Variants in ADGRV1 observed in about 807,000 individuals in gnomAD.
The protein encoded by ADGRV1 is G-protein coupled receptor 98.
A neutral mutation model predicts 596.2 loss-of-function variants in ADGRV1; 359 were observed. The observed-to-expected ratio is 0.60, with a 90% CI of 0.55 to 0.66. The LOEUF (loss-of-function observed/expected upper bound fraction) is 0.66, where lower values mean the gene tolerates loss of function less well. Ranked by LOEUF, ADGRV1 falls within the 30% of genes least tolerant of loss-of-function variation. ADGRV1 has a pLI of 0.00. For missense variants in ADGRV1, 7,274 were observed against 7,575.6 expected (o/e 0.96, Z 1.48); for synonymous variants, 2,681 against 2,679.2 (o/e 1.00, Z -0.02).
chr5:90,843,377 A>G (rs963546777), intron 78 of ADGRV1, among the ~76,000 whole-genome samples: 10 of 152,228 alleles, frequency 6.6e-5, no homozygotes, highest in African/African-American at 2.4e-4. Flanking sequence ...TGAAAATTTT[A>G]TATGTGATAA....
At chr5:90,607,398 C>T (rs1046016485) in intron 1 of ADGRV1, among the ~76,000 whole-genome samples, 1 of 152,036 alleles carries the variant, frequency 6.6e-6, no homozygotes, top group African/African-American at 2.4e-5. Flanking sequence ...CCCCTGCTTA[C>T]CCCTCCAAAT....
chr5:91,001,409 A>T (rs1781847865), intron 85 of ADGRV1, among the ~76,000 whole-genome samples: 1 of 152,150 alleles, frequency 6.6e-6, no homozygotes, highest in Admixed American at 6.6e-5. Context: ...CTGCAGTGAA[A>T]GTATTATGTC....
At chr5:90,750,422 G>A (rs912854438) in intron 52 of ADGRV1, 129 bp from the exon 53 acceptor site, 49 of 621,036 alleles carry the variant, frequency 7.9e-5, no homozygotes, top group Middle Eastern at 4.0e-4. Context: ...TTTAATTGTC[G>A]TTTTCACTTA....
At chr5:90,559,016 C>T (rs1168742784) in intron 1 of ADGRV1, 99 bp downstream of exon 1, 38 of 1,132,326 alleles carry the variant, frequency 3.4e-5, no homozygotes, top group Middle Eastern at 3.0e-4. Flanking sequence ...GCGAGGGCGG[C>T]GCGGAGGGCG....
chr5:90,693,896 G>A lies in ADGRV1; in HGVS notation c.7140G>A (p.Gly2380=). The change falls in exon 33 of 90, where the codon GGG becomes GGA. Residue 2380 remains glycine, a synonymous_variant. Transcript: ENST00000405460. ...TTGTCACTCCACATTTTAGCGGAGG[G>A]CACTTTGGTCGGCTGTTGTTGTTCT... ...CANITVRRSG[G]HFGRLLLFYS... is the part of the protein sequence containing the mutation. The A allele has an allele frequency of 2.6e-6, 4 of 1,546,556 alleles. No homozygotes were observed. Among genetic ancestry groups the A allele is most frequent in the Non-Finnish European group, 3.5e-6 (4 of 1,145,920 alleles).
chr5:91,127,466 A>G (rs1003135708), intron 87 of ADGRV1, among the ~76,000 whole-genome samples: 5 of 151,300 alleles, frequency 3.3e-5, no homozygotes, highest in Non-Finnish European at 5.9e-5. Flanking sequence ...TGAGCCCAGT[A>G]ATTCAAGGCT....
At chr5:90,825,843 G>A (rs1764028303) in intron 76 of ADGRV1, 1 of 152,110 alleles carries the variant, frequency 6.6e-6, no homozygotes. Context: ...ATTATCAAAA[G>A]TTTCAGTTAG....
chr5:90,760,225 G>A (rs535845655), intron 58 of ADGRV1, among the ~76,000 whole-genome samples: 6 of 147,632 alleles, frequency 4.1e-5, no homozygotes, highest in South Asian at 4.3e-4. Flanking sequence ...GCAGTGAGCC[G>A]AGATCACGCC....
At chr5:91,068,784 A>C (rs1581956984) in intron 85 of ADGRV1, among the ~76,000 whole-genome samples, 1 of 150,056 alleles carries the variant, frequency 6.7e-6, no homozygotes, top group South Asian at 2.1e-4. Flanking sequence ...GAAAAAAGCT[A>C]TTCTAAAATT....
At chr5:91,103,256 A>C (rs1791550926) in intron 87 of ADGRV1, among the ~76,000 whole-genome samples, 1 of 152,124 alleles carries the variant, frequency 6.6e-6, no homozygotes, top group African/African-American at 2.4e-5. Flanking sequence ...AATACAAAAC[A>C]ATTAAAAGTT....
intron 1 of ADGRV1, among the ~76,000 whole-genome samples, chr5:90,583,537 T>C (rs1385666452): frequency 6.6e-6 from 1 of 152,110 alleles, no homozygotes; most frequent in Non-Finnish European, 1.5e-5. Context: ...AACTTTTCCC[T>C]CCCTCCCCTG....
chr5:91,029,758 C>T (rs193248827), intron 85 of ADGRV1, among the ~76,000 whole-genome samples: 18 of 151,992 alleles, frequency 1.2e-4, no homozygotes, highest in Admixed American at 4.6e-4. Flanking sequence ...TTGCAAATAT[C>T]TGCTTCTAGT....
intron 6 of ADGRV1, 61 bp downstream of exon 6, chr5:90,625,304 TA>T (rs2149369807): frequency 9.5e-7 from 1 of 1,054,884 alleles, no homozygotes; most frequent in African/African-American, 1.6e-5. Flanking sequence ...CACAGTCCTG[TA>T]TAAACTTAGT....
At chr5:90,958,303 A>G (rs1777676147) in intron 83 of ADGRV1, among the ~76,000 whole-genome samples, 1 of 136,284 alleles carries the variant, frequency 7.3e-6, no homozygotes, top group Non-Finnish European at 1.6e-5. Flanking sequence ...AAAAAAAAAA[A>G]GAAAAGAAAA....
intron 85 of ADGRV1, among the ~76,000 whole-genome samples, chr5:91,049,318 C>G (rs1786111676): frequency 6.6e-6 from 1 of 152,080 alleles, no homozygotes. Context: ...ATTTGTCAGG[C>G]CAAGTCTCTG....
At chr5:90,834,209 A>G (rs1474809375) in intron 77 of ADGRV1, among the ~76,000 whole-genome samples, 2 of 152,076 alleles carry the variant, frequency 1.3e-5, no homozygotes, top group Non-Finnish European at 2.9e-5. Flanking sequence ...GTATTCTGTA[A>G]TTTTCTGTGT....
intron 21 of ADGRV1, among the ~76,000 whole-genome samples, chr5:90,665,824 T>C (rs1317773457): frequency 1.4e-4 from 21 of 151,534 alleles, no homozygotes; most frequent in Admixed American, 6.6e-4. Flanking sequence ...TCTTCGTTCT[T>C]GTTGGTTTCA....
At chr5:90,968,549 G>A (rs1327202622) in intron 84 of ADGRV1, among the ~76,000 whole-genome samples, 2 of 152,142 alleles carry the variant, frequency 1.3e-5, no homozygotes, top group Non-Finnish European at 1.5e-5. Context: ...ATTTCAGATG[G>A]TACACCACAC....
chr5:90,647,720 C>T lies in ADGRV1; in HGVS notation c.3245C>T (p.Pro1082Leu), dbSNP rs768921869. The T allele has an allele frequency of 1.1e-5, 17 of 1,613,692 alleles. No individual in the cohort carries two copies. The highest frequency in any genetic ancestry group is 3.3e-5 in the Admixed American group (2 of 60,012). ...ISIFVNEDGI[P>L]ETDEPFYIIL... ...ATATTTGTTAATGAAGATGGTATCC[C>T]GGAAACAGATGAGCCCTTTTATATA... Residue 1082 changes from proline (P) to leucine (L), a missense_variant, in exon 17 of 90, where the codon CCG (proline) becomes CTG (leucine). Coordinates refer to ENST00000405460, the MANE Select transcript of ADGRV1 (RefSeq NM_032119.4).
Sources: allele counts gnomAD v4.1 joint callset (sites outside exome capture counted in the v4.1 genomes callset), GRCh38; gene constraint gnomAD v4.1.1; transcripts MANE v1.5; gene names NCBI Gene and HGNC (gene_info 2026-07-23, HGNC 2026-07-21).